Variants in KLF8 observed in about 807,000 individuals in gnomAD.
KLF8 encodes the protein KLF transcription factor 8.
In KLF8, 10 loss-of-function variants were observed where a neutral mutation model predicts 18.2. The observed-to-expected ratio is 0.55, with a 90% CI of 0.34 to 0.93. The LOEUF (loss-of-function observed/expected upper bound fraction) is 0.93. Among genes scored for constraint, KLF8 ranks in the 40% least tolerant of loss-of-function variants. The pLI, the probability that KLF8 is intolerant of heterozygous loss-of-function variation, is 0.02. For synonymous variants in KLF8, 109 were observed against 97.3 expected (o/e 1.12, Z -0.71); for missense variants, 264 against 277.9 (o/e 0.95, Z 0.36).
chrX:56,208,548 T>G, the KLF8 span, among the ~76,000 whole-genome samples: 2 of 111,613 alleles, frequency 1.8e-5, no homozygotes, highest in African/African-American at 6.5e-5. Flanking sequence ...TTATTTAAGA[T>G]CCATTATTAG....
At chrX:56,134,206 C>A in the KLF8 span, among the ~76,000 whole-genome samples, 1 of 111,165 alleles carries the variant, frequency 9.0e-6, no homozygotes, top group Non-Finnish European at 1.9e-5. Context: ...TTTTGCATAG[C>A]CAAAGTAAAA....
chrX:56,142,973 C>T, the KLF8 span, among the ~76,000 whole-genome samples: 1 of 112,036 alleles, frequency 8.9e-6, no homozygotes. Flanking sequence ...TAACGTGACA[C>T]TTTAAAAATA....
At chrX:56,090,448 T>C in the KLF8 span, among the ~76,000 whole-genome samples, 3 of 112,141 alleles carry the variant, frequency 2.7e-5, no homozygotes, top group Non-Finnish European at 5.6e-5. Context: ...ATCAAACTTA[T>C]GTATTTCAAA....
the KLF8 span, among the ~76,000 whole-genome samples, chrX:55,967,443 A>C: frequency 3.6e-5 from 4 of 110,945 alleles, no homozygotes; most frequent in South Asian, 1.5e-3. Context: ...CTTACAGGAC[A>C]GGAAAGAGTG....
the KLF8 span, among the ~76,000 whole-genome samples, chrX:56,136,548 C>A: frequency 9.0e-6 from 1 of 111,655 alleles, no homozygotes; most frequent in Non-Finnish European, 1.9e-5. Flanking sequence ...ACTGGCTAGC[C>A]ATATTTAGGA....
chrX:56,199,928 G>T, the KLF8 span, among the ~76,000 whole-genome samples: 1 of 111,300 alleles, frequency 9.0e-6, no homozygotes, highest in African/African-American at 3.3e-5. Context: ...CATGTCCTTT[G>T]CAGAGACATG....
At chrX:56,139,096 G>T in the KLF8 span, among the ~76,000 whole-genome samples, 2 of 111,181 alleles carry the variant, frequency 1.8e-5, no homozygotes, top group Admixed American at 1.9e-4. Flanking sequence ...GCTAACTAGG[G>T]ATGTGAAAGA....
the KLF8 span, among the ~76,000 whole-genome samples, chrX:56,208,324 A>T: frequency 9.0e-6 from 1 of 111,676 alleles, no homozygotes; most frequent in South Asian, 3.7e-4. Context: ...ATCAGTTCTA[A>T]TGTCTCCTTT....
the KLF8 span, among the ~76,000 whole-genome samples, chrX:55,956,706 C>A: frequency 8.9e-6 from 1 of 112,030 alleles, no homozygotes; most frequent in African/African-American, 3.2e-5. Flanking sequence ...TGTTTATCAT[C>A]TTTGGAGAAA....
the KLF8 span, among the ~76,000 whole-genome samples, chrX:55,998,855 G>A: frequency 5.1e-5 from 5 of 97,417 alleles, no homozygotes; most frequent in South Asian, 4.6e-4. Flanking sequence ...TAATTAGGTC[G>A]CATTTATTTT....
the KLF8 span, among the ~76,000 whole-genome samples, chrX:55,979,458 A>G: frequency 3.6e-5 from 4 of 112,223 alleles, no homozygotes; most frequent in African/African-American, 9.7e-5. Context: ...CATATCCCAC[A>G]TGGATACAGA....
the KLF8 span, among the ~76,000 whole-genome samples, chrX:55,936,755 A>G: frequency 1.8e-5 from 2 of 111,066 alleles, no homozygotes; most frequent in Admixed American, 1.9e-4. Context: ...AGAGAGTCCT[A>G]CGCCCATGGA....
At chrX:56,004,056 T>A in the KLF8 span, among the ~76,000 whole-genome samples, 1 of 112,352 alleles carries the variant, frequency 8.9e-6, no homozygotes, top group South Asian at 3.7e-4. Context: ...TGGGCCTTAT[T>A]CCTTACTTCC....
chrX:56,023,647 C>CT, the KLF8 span, among the ~76,000 whole-genome samples: 9,769 of 105,013 alleles, frequency 0.093, 639 homozygotes, highest in African/African-American at 0.23. Flanking sequence ...GGTATTCATA[C>CT]TTTTTTTTTT....
At chrX:55,955,489 A>C in the KLF8 span, among the ~76,000 whole-genome samples, 8 of 111,497 alleles carry the variant, frequency 7.2e-5, no homozygotes, top group Admixed American at 7.6e-4. Context: ...TATGTTTTTA[A>C]AGGTAACTCT....
At chrX:56,116,164 G>T in the KLF8 span, among the ~76,000 whole-genome samples, 4 of 112,895 alleles carry the variant, frequency 3.5e-5, no homozygotes, top group Admixed American at 3.7e-4. Flanking sequence ...AACTGCTTTG[G>T]CAGTCTGAGG....
the KLF8 span, among the ~76,000 whole-genome samples, chrX:56,044,164 C>A: frequency 2.7e-5 from 3 of 111,405 alleles, no homozygotes; most frequent in Non-Finnish European, 5.7e-5. Flanking sequence ...ACAAAGATGG[C>A]AGCCAGCTCC....
chrX:56,175,893 T>C, the KLF8 span, among the ~76,000 whole-genome samples: 5,570 of 111,010 alleles, frequency 0.05, 367 homozygotes, highest in African/African-American at 0.17. Context: ...GGTTTAAAGT[T>C]TGTTTTATCA....
the KLF8 span, among the ~76,000 whole-genome samples, chrX:56,208,735 C>T: frequency 9.0e-6 from 1 of 111,602 alleles, no homozygotes; most frequent in South Asian, 3.7e-4. Context: ...CATTGAAGAG[C>T]ATATTTTTTA....
Sources: gnomAD v4.1 joint callset for allele counts (sites outside exome capture counted in the v4.1 genomes callset) on GRCh38, gnomAD v4.1.1 for gene constraint, MANE v1.5 for transcripts, NCBI Gene and HGNC (gene_info 2026-07-23, HGNC 2026-07-21) for gene names.